SYN3: variants seen among roughly 807,000 people sequenced by gnomAD.
SYN3 encodes the protein synapsin III.
Under a neutral mutation model 65.8 loss-of-function variants are expected in SYN3, and 35 were observed. The ratio of observed to expected loss-of-function variants is 0.53; its 90% confidence interval spans 0.41 to 0.70. The LOEUF is 0.70. Ranked by LOEUF, SYN3 falls within the 30% of genes least tolerant of loss-of-function variation. The pLI, the probability that SYN3 is intolerant of heterozygous loss-of-function variation, is 0.00. For synonymous variants in SYN3, 270 were observed against 292.9 expected (o/e 0.92, Z 0.80); for missense variants, 680 against 749.0 (o/e 0.91, Z 1.08).
Position 32,528,901 on chromosome 22 carries a change from G to A in SYN3, c.1203C>T (p.Gly401=). The change falls in exon 11 of 14, where the codon GGC becomes GGT. Residue 401 remains glycine (G), a synonymous_variant. Transcript: ENST00000358763. ...AAGGTCTGAGGGGGGAGGGCGCTGT[G>A]CCTCCTGGCATCGGGAGCTGGCTCA... ...SKMSQLPMPG[G]TAPSPLRPWA... 6.2e-7 allele frequency: 1 copy of A among 1,614,102 alleles called. No homozygotes were observed. Among genetic ancestry groups the A allele is most frequent in the Non-Finnish European group, 8.5e-7 (1 of 1,180,032 alleles).
chr22:32,781,051 CCCTCCCTCCCTT>C (rs1189182716), intron 6 of SYN3, among the ~76,000 whole-genome samples: 13 of 24,176 alleles, frequency 5.4e-4, no homozygotes, highest in African/African-American at 5.6e-4. Flanking sequence ...TCCCCTCCCT[CCCTCCCTCCCTT>C]CCTCCCTCCC....
At chr22:32,773,406 CAAAAAAAAAAAAAA>C (rs61583056) in intron 6 of SYN3, among the ~76,000 whole-genome samples, 3 of 91,176 alleles carry the variant, frequency 3.3e-5, no homozygotes, top group Admixed American at 1.2e-4. Context: ...GACTCTGTCT[CAAAAAAAAAAAAAA>C]AAAAAAAAAA....
intron 3 of SYN3, among the ~76,000 whole-genome samples, chr22:32,975,211 C>T (rs575984261): frequency 5.9e-5 from 9 of 152,120 alleles, no homozygotes; most frequent in African/African-American, 2.2e-4. Context: ...CCTGTCTTTA[C>T]TAAAAGTACA....
At chr22:32,895,706 A>C (rs1284490528) in intron 4 of SYN3, among the ~76,000 whole-genome samples, 1 of 152,174 alleles carries the variant, frequency 6.6e-6, no homozygotes, top group African/African-American at 2.4e-5. Flanking sequence ...CCCATCTCTA[A>C]GCCTTATTTC....
intron 7 of SYN3, chr22:32,583,534 T>G (rs2058979208): frequency 6.6e-6 from 1 of 152,280 alleles, no homozygotes; most frequent in Non-Finnish European, 1.5e-5. Context: ...TTACCTCCCC[T>G]GGCATGGATG....
intron 2 of SYN3, among the ~76,000 whole-genome samples, chr22:32,995,209 A>G (rs1209132105): frequency 6.6e-6 from 1 of 152,182 alleles, no homozygotes; most frequent in Non-Finnish European, 1.5e-5. Context: ...GGCTCTTCCC[A>G]GCCAGAAAAC....
At chr22:33,015,242 A>AAAAAAAAAAAAAT (rs56343315) in intron 1 of SYN3, 12 of 216,196 alleles carry the variant, frequency 5.6e-5, no homozygotes, top group Non-Finnish European at 7.9e-5. Context: ...AAAAAAAAAA[A>AAAAAAAAAAAAAT]CTACTGTATC....
chr22:32,539,382 C>T (rs1289196611), intron 8 of SYN3, among the ~76,000 whole-genome samples: 2 of 152,062 alleles, frequency 1.3e-5, no homozygotes, highest in Non-Finnish European at 2.9e-5. Context: ...TATAGATTAG[C>T]AATCAGGAAA....
chr22:32,580,758 A>G lies in SYN3; in HGVS notation c.774+15916T>C, dbSNP rs570405815. On this transcript the variant is annotated intron_variant, in intron 7 of 13. Coordinates refer to ENST00000358763, the MANE Select transcript of SYN3 (RefSeq NM_003490.4). ...TATTGTCTGTGGTTGCTTTCCCACT[A>G]CAAGAGCTGACTGAGTAGCTTCAGC... Among the ~76,000 whole-genome samples the G allele has an allele frequency of 6.5e-4, 99 of 152,354 alleles. 1 individual carries two copies. In the South Asian group the frequency reaches 0.02, roughly 30 times the overall value.
chr22:32,828,994 C>A (rs955517380), intron 6 of SYN3, among the ~76,000 whole-genome samples: 2 of 152,138 alleles, frequency 1.3e-5, no homozygotes, highest in African/African-American at 4.8e-5. Flanking sequence ...GCCCCAGGAG[C>A]GGTCTTGAGG....
At chr22:32,966,215 C>T (rs190749845) in intron 3 of SYN3, among the ~76,000 whole-genome samples, 107 of 152,230 alleles carry the variant, frequency 7.0e-4, no homozygotes, top group Admixed American at 6.0e-3. Flanking sequence ...AGGCACCTCA[C>T]CCTGCCTGGA....
intron 6 of SYN3, among the ~76,000 whole-genome samples, chr22:32,829,148 C>T (rs191364266): frequency 2.0e-4 from 31 of 152,230 alleles, no homozygotes; most frequent in East Asian, 1.2e-3. Context: ...TAATTCAGCT[C>T]GGCACTTCTT....
intron 7 of SYN3, among the ~76,000 whole-genome samples, chr22:32,542,926 C>A (rs73172133): frequency 0.19 from 28,368 of 151,978 alleles, 2,868 homozygotes; most frequent in South Asian, 0.26. Context: ...CCTGCTTGTC[C>A]AGAAGCGGCT....
chr22:32,844,146 G>T (rs2047993366), intron 6 of SYN3, among the ~76,000 whole-genome samples: 1 of 152,172 alleles, frequency 6.6e-6, no homozygotes, highest in South Asian at 2.1e-4. Context: ...CTGCCAGTAG[G>T]AAAGTCCAAC....
intron 6 of SYN3, among the ~76,000 whole-genome samples, chr22:32,603,550 AAG>A (rs1555906893): frequency 8.3e-5 from 12 of 144,112 alleles, no homozygotes; most frequent in East Asian, 6.2e-4. Flanking sequence ...AAAAAAAAAA[AAG>A]AAAGAAAGAA....
In SYN3 at chr22:32,838,263, G is replaced by C. The variant is rs188556175; in HGVS notation, c.711+26652C>G. 5.8e-4 allele frequency among the ~76,000 whole-genome samples: 88 copies of C among 152,192 alleles called. 1 individual carries two copies. The East Asian group carries it at 0.014, about 24-fold the overall frequency. On this transcript the variant is annotated intron_variant, in intron 6 of 13. Transcript: ENST00000358763. Reference sequence around the variant, plus strand: ...AGTGGACTTGAGGAGAAGGAGGGGGGGTGGCAAAATAAAACAAACAATAAA... The same window carrying C: ...AGTGGACTTGAGGAGAAGGAGGGGGCGTGGCAAAATAAAACAAACAATAAA...
At chr22:33,049,309 G>T (rs1367812663) in intron 1 of SYN3, among the ~76,000 whole-genome samples, 1 of 152,108 alleles carries the variant, frequency 6.6e-6, no homozygotes, top group Non-Finnish European at 1.5e-5. Flanking sequence ...TTGGAAGGTG[G>T]GCTCCCCCTG....
intron 6 of SYN3, among the ~76,000 whole-genome samples, chr22:32,737,181 G>A (rs2147369538): frequency 6.6e-6 from 1 of 152,310 alleles, no homozygotes; most frequent in South Asian, 2.1e-4. Flanking sequence ...CTTATAGACT[G>A]TCATATTTAT....
chr22:32,859,709 C>T, intron 6 of SYN3: 1 of 319,710 alleles, frequency 3.1e-6, no homozygotes, highest in Non-Finnish European at 5.8e-6. Context: ...AAAACTACTC[C>T]ATTTGAGGAT....
Sources: gnomAD v4.1 joint callset for allele counts (sites outside exome capture counted in the v4.1 genomes callset) on GRCh38, gnomAD v4.1.1 for gene constraint, MANE v1.5 for transcripts, NCBI Gene and HGNC (gene_info 2026-07-23, HGNC 2026-07-21) for gene names.